CHRM5: variants seen among roughly 807,000 people sequenced by gnomAD.
CHRM5 encodes cholinergic receptor muscarinic 5, also known as muscarinic acetylcholine receptor M5.
CHRM5 carries 18 observed loss-of-function variants against 39.0 expected under a neutral mutation model. The observed-to-expected ratio is 0.46, with a 90% CI of 0.32 to 0.68. The LOEUF is 0.68. Among genes scored for constraint, CHRM5 ranks in the 30% least tolerant of loss-of-function variants. CHRM5 has a pLI of 0.04. For missense variants in CHRM5, 515 were observed against 651.1 expected (o/e 0.79, Z 2.28); for synonymous variants, 241 against 246.3 (o/e 0.98, Z 0.20).
At chr15:33,983,198 GTGTATATATA>G (rs1300563350) in intron 1 of CHRM5, among the ~76,000 whole-genome samples, 30 of 45,316 alleles carry the variant, frequency 6.6e-4, no homozygotes, top group African/African-American at 4.8e-3. Context: ...GTGTATGTGT[GTGTATATATA>G]TATATACATA....
chr15:34,059,861 C>T (rs530763693), intron 2 of CHRM5, among the ~76,000 whole-genome samples: 1 of 152,236 alleles, frequency 6.6e-6, no homozygotes, highest in South Asian at 2.1e-4. Context: ...CTATTTCTAT[C>T]TGCTAATTTA....
At chr15:33,979,266 A>G (rs1210437921) in intron 1 of CHRM5, among the ~76,000 whole-genome samples, 1 of 152,176 alleles carries the variant, frequency 6.6e-6, no homozygotes, top group Admixed American at 6.5e-5. Context: ...CCATGCCTGC[A>G]ATCCCAGCAC....
rs527468889 is a variant in CHRM5 at position 34,044,064 on chromosome 15, A to C, written c.-407-2476A>C. On this transcript the variant is annotated intron_variant, in intron 1 of 2. Coordinates refer to ENST00000383263, the MANE Select transcript of CHRM5 (RefSeq NM_012125.4). ...AATGAATCATTCACATTAGCATACA[A>C]GCATGCTGTATTTTCGCCCTTTAAA... Among the ~76,000 whole-genome samples the C allele has an allele frequency of 1.6e-4, 24 of 152,070 alleles. No homozygotes were observed. The East Asian group carries it at 4.6e-3, about 29-fold the overall frequency.
At chr15:33,976,205 T>A (rs1003672412) in intron 1 of CHRM5, among the ~76,000 whole-genome samples, 4 of 152,192 alleles carry the variant, frequency 2.6e-5, no homozygotes, top group African/African-American at 9.6e-5. Context: ...CATGTTTCAA[T>A]TATTATGACA....
chr15:33,997,840 A>G (rs1896999425), intron 1 of CHRM5, among the ~76,000 whole-genome samples: 1 of 152,236 alleles, frequency 6.6e-6, no homozygotes, highest in East Asian at 1.9e-4. Context: ...CTGGGCCTGC[A>G]CCCATACAGC....
intron 1 of CHRM5, among the ~76,000 whole-genome samples, chr15:33,997,525 C>T (rs1424399): frequency 0.2 from 31,099 of 151,950 alleles, 4,809 homozygotes; most frequent in African/African-American, 0.43. Context: ...TACCGTCATC[C>T]GCAACCCCCT....
In CHRM5 at chr15:34,041,310, C is replaced by T. The variant is rs868536364; in HGVS notation, c.-407-5230C>T. On this transcript the variant is annotated intron_variant, in intron 1 of 2. Coordinates refer to ENST00000383263, the MANE Select transcript of CHRM5 (RefSeq NM_012125.4). Reference sequence around the variant, plus strand: ...CACAGATAGATTGGTGCAAAAGGTACGTTTTAGTATCTAAGGAGCTACCGA... The same window carrying T: ...CACAGATAGATTGGTGCAAAAGGTATGTTTTAGTATCTAAGGAGCTACCGA... 1.1e-4 allele frequency among the ~76,000 whole-genome samples: 16 copies of T among 152,182 alleles called. No individual in the cohort carries two copies. In the Middle Eastern group the frequency reaches 0.01, roughly 97 times the overall value.
chr15:33,980,469 G>A (rs576310268), intron 1 of CHRM5, among the ~76,000 whole-genome samples: 3 of 152,230 alleles, frequency 2.0e-5, no homozygotes, highest in African/African-American at 7.2e-5. Flanking sequence ...CAGGCAACAC[G>A]TCCTCTGATT....
intron 2 of CHRM5, among the ~76,000 whole-genome samples, chr15:34,054,053 A>G (rs903290661): frequency 2.0e-5 from 3 of 152,206 alleles, no homozygotes; most frequent in African/African-American, 4.8e-5. Context: ...GAAGACATAC[A>G]TGCGGCCAAA....
chr15:34,013,742 G>A (rs1210000584), intron 1 of CHRM5, among the ~76,000 whole-genome samples: 2 of 152,214 alleles, frequency 1.3e-5, no homozygotes, highest in Non-Finnish European at 2.9e-5. Flanking sequence ...ACCAATGGGG[G>A]AGAAGGGGGA....
At chr15:33,995,104 A>T (rs576691656) in intron 1 of CHRM5, among the ~76,000 whole-genome samples, 1 of 152,228 alleles carries the variant, frequency 6.6e-6, no homozygotes, top group South Asian at 2.1e-4. Context: ...TCTACAAAAA[A>T]ATGAAGAAAT....
At chr15:33,982,058 G>C (rs1896174940) in intron 1 of CHRM5, among the ~76,000 whole-genome samples, 1 of 151,048 alleles carries the variant, frequency 6.6e-6, no homozygotes, top group Non-Finnish European at 1.5e-5. Context: ...GTAGAGACAA[G>C]ATTTCACCAC....
intron 1 of CHRM5, among the ~76,000 whole-genome samples, chr15:33,973,629 G>C (rs476814): frequency 1.3e-5 from 2 of 152,056 alleles, no homozygotes; most frequent in East Asian, 3.9e-4. Flanking sequence ...ATCGCTTGAG[G>C]CCAGGAGTTC....
intron 1 of CHRM5, among the ~76,000 whole-genome samples, chr15:33,993,757 A>G (rs913285625): frequency 4.6e-5 from 7 of 152,142 alleles, no homozygotes; most frequent in Admixed American, 1.3e-4. Flanking sequence ...TCCCCACTAG[A>G]GGTGACCGCA....
intron 1 of CHRM5, among the ~76,000 whole-genome samples, chr15:33,990,058 G>C (rs1896651245): frequency 6.6e-6 from 1 of 151,872 alleles, no homozygotes; most frequent in African/African-American, 2.4e-5. Context: ...CACAAAATTA[G>C]CCGGGCGTGG....
chr15:34,015,531 T>C (rs575258455), intron 1 of CHRM5, among the ~76,000 whole-genome samples: 36 of 152,294 alleles, frequency 2.4e-4, no homozygotes, highest in African/African-American at 8.2e-4. Context: ...AAAAATGTTT[T>C]ATTATAATAC....
intron 1 of CHRM5, among the ~76,000 whole-genome samples, chr15:33,976,505 T>G (rs1298471099): frequency 6.6e-6 from 1 of 152,236 alleles, no homozygotes; most frequent in Non-Finnish European, 1.5e-5. Flanking sequence ...ATCAGATTTT[T>G]TATGGCCTCT....
At chr15:34,037,978 C>T (rs1397679574) in intron 1 of CHRM5, among the ~76,000 whole-genome samples, 1 of 152,172 alleles carries the variant, frequency 6.6e-6, no homozygotes, top group Non-Finnish European at 1.5e-5. Context: ...AAAAGACAGT[C>T]CTCTAACTCC....
intron 1 of CHRM5, among the ~76,000 whole-genome samples, chr15:34,025,702 A>T (rs191513344): frequency 1.3e-4 from 20 of 152,046 alleles, no homozygotes; most frequent in Admixed American, 8.5e-4. Context: ...CACCGCTCAA[A>T]GGTTCAGAAG....
Sources: allele counts gnomAD v4.1 joint callset (sites outside exome capture counted in the v4.1 genomes callset), GRCh38; gene constraint gnomAD v4.1.1; transcripts MANE v1.5; gene names NCBI Gene and HGNC (gene_info 2026-07-23, HGNC 2026-07-21).